Variants in BICC1 observed in about 807,000 individuals in gnomAD.
BICC1 encodes the protein protein bicaudal C homolog 1.
BICC1 carries 43 observed loss-of-function variants against 111.0 expected under a neutral mutation model. The ratio of observed to expected loss-of-function variants is 0.39; its 90% CI spans 0.30 to 0.50. The LOEUF (loss-of-function observed/expected upper bound fraction) is 0.50. Ranked by LOEUF, BICC1 falls within the 20% of genes least tolerant of loss-of-function variation. The pLI, the probability that BICC1 is intolerant of heterozygous loss-of-function variation, is 0.88. For synonymous variants in BICC1, 467 were observed against 434.4 expected, an observed-to-expected ratio of 1.07 and a Z score of -0.93; for missense variants, 1,091 against 1,203.2, an observed-to-expected ratio of 0.91 and a Z score of 1.38.
intron 3 of BICC1, among the ~76,000 whole-genome samples, chr10:58,748,806 A>G (rs1038922512): frequency 3.9e-5 from 6 of 152,242 alleles, no homozygotes; most frequent in African/African-American, 1.4e-4. Context: ...GTGGGGCCTG[A>G]GAAATTTCAT....
chr10:58,817,431 G>A, intron 18 of BICC1, 131 bp from the exon 19 acceptor site: 2 of 967,014 alleles, frequency 2.1e-6, no homozygotes, highest in South Asian at 1.4e-5. Context: ...AAGGATTGCT[G>A]TATTTCTACA....
intron 17 of BICC1, among the ~76,000 whole-genome samples, chr10:58,811,454 A>C (rs944589198): frequency 2.6e-5 from 4 of 152,258 alleles, no homozygotes; most frequent in Non-Finnish European, 4.4e-5. Context: ...CAAATAATAA[A>C]GATACTTTGA....
intron 1 of BICC1, among the ~76,000 whole-genome samples, chr10:58,561,634 C>T (rs1274776509): frequency 6.6e-6 from 1 of 151,924 alleles, no homozygotes; most frequent in Non-Finnish European, 1.5e-5. Flanking sequence ...TTGTTCTTTT[C>T]TTCCTCTCTT....
Position 58,637,113 on chromosome 10 carries a change from T to C in BICC1, c.237+16212T>C, listed in dbSNP as rs114992215. ...GGGGATACTACTTTCTTGATTCTTA[T>C]ATGGGGAAAAATTCCATTTGTTGGT... is the stretch of plus-strand genomic sequence containing the variant. On this transcript the variant is annotated intron_variant, in intron 2 of 20. Coordinates refer to ENST00000373886, the MANE Select transcript of BICC1 (RefSeq NM_001080512.3). 4.2e-3 allele frequency among the ~76,000 whole-genome samples: 638 copies of C among 152,308 alleles called. 4 individuals carry two copies. Among genetic ancestry groups the C allele is most frequent in the African/African-American group, 0.015 (605 of 41,578 alleles).
rs974943493 is a variant in BICC1 at position 58,588,797 on chromosome 10, A to G, written c.191-32058A>G. Among the ~76,000 whole-genome samples, 32 of 152,222 alleles carry G rather than the reference A, an allele frequency of 2.1e-4. 1 individual carries two copies. The highest frequency in any genetic ancestry group is 7.7e-4 in the African/African-American group (32 of 41,462). ...GAGTGCCAGGCCCCAGGCTAAGCAC[A>G]CTGCGTGAAGGAGCACATTTGATTT... is the stretch of plus-strand genomic sequence containing the variant. On this transcript the variant is annotated intron_variant, in intron 1 of 20. Coordinates refer to ENST00000373886, the MANE Select transcript of BICC1 (RefSeq NM_001080512.3).
chr10:58,703,164 C>T (rs1260526575), intron 3 of BICC1, among the ~76,000 whole-genome samples: 2 of 130,386 alleles, frequency 1.5e-5, no homozygotes, highest in South Asian at 2.4e-4. Context: ...TATCTTGCTA[C>T]TTTTTTTTTT....
intron 3 of BICC1, among the ~76,000 whole-genome samples, chr10:58,745,257 T>A (rs1399966487): frequency 6.6e-6 from 1 of 152,062 alleles, no homozygotes; most frequent in African/African-American, 2.4e-5. Flanking sequence ...ACTAACTGGG[T>A]TGAATGCTGG....
In BICC1 at chr10:58,829,190, G is replaced by T. The variant is rs143107828; in HGVS notation, c.*299G>T. The T allele has an allele frequency of 0.079, 5,822 of 73,556 alleles. 282 individuals are homozygous for T. Among genetic ancestry groups the T allele is most frequent in the Admixed American group, 0.23 (1,679 of 7,366 alleles). The allele number at this position is 73,556 out of a possible 1,614,324, so 4.6% of individuals were successfully genotyped here. On this transcript the variant is annotated 3_prime_UTR_variant, in exon 21 of 21. Coordinates refer to ENST00000373886, the MANE Select transcript of BICC1 (RefSeq NM_001080512.3). ...TTACCTATATAACATATGCACTGAT[G>T]ATTTTTTTTTTTTTTTTTTTTTTTT...
In BICC1 at chr10:58,595,992, A is replaced by C. The variant is rs567201720; in HGVS notation, c.191-24863A>C. ...CCAGACTAATAAGAAAGGAGAGAAG[A>C]CTCAATTAGACACAATAAAAAATGA... On this transcript the variant is annotated intron_variant, in intron 1 of 20. Coordinates refer to ENST00000373886, the MANE Select transcript of BICC1 (RefSeq NM_001080512.3). Among the ~76,000 whole-genome samples the C allele has an allele frequency of 2.6e-5, 4 of 152,256 alleles. No homozygotes were observed. The East Asian group carries it at 7.7e-4, about 29-fold the overall frequency.
intron 2 of BICC1, among the ~76,000 whole-genome samples, chr10:58,628,823 A>G (rs1256918396): frequency 6.6e-6 from 1 of 152,242 alleles, no homozygotes; most frequent in Non-Finnish European, 1.5e-5. Context: ...CTGAAGAGAA[A>G]AGGTTGGCTC....
intron 3 of BICC1, chr10:58,716,026 A>G: frequency 7.0e-7 from 1 of 1,421,718 alleles, no homozygotes; most frequent in Non-Finnish European, 9.7e-7. Context: ...GGATAGTTTA[A>G]AAAAGAAAAA....
intron 19 of BICC1, among the ~76,000 whole-genome samples, chr10:58,818,384 C>T (rs1007385331): frequency 2.0e-5 from 3 of 152,186 alleles, no homozygotes; most frequent in Non-Finnish European, 4.4e-5. Context: ...TACTGGGGCA[C>T]AGCTAACTCA....
chr10:58,793,944 A>G (rs1447703293), intron 9 of BICC1, among the ~76,000 whole-genome samples: 1 of 152,168 alleles, frequency 6.6e-6, no homozygotes, highest in Non-Finnish European at 1.5e-5. Flanking sequence ...TGTATAATAT[A>G]TATGTCATTA....
intron 19 of BICC1, among the ~76,000 whole-genome samples, chr10:58,818,028 T>C (rs1844148737): frequency 6.6e-6 from 1 of 152,158 alleles, no homozygotes; most frequent in Non-Finnish European, 1.5e-5. Flanking sequence ...ACAGCTCCCT[T>C]AAGGTCAGCA....
At chr10:58,597,339 G>A (rs1464921241) in intron 1 of BICC1, among the ~76,000 whole-genome samples, 1 of 152,054 alleles carries the variant, frequency 6.6e-6, no homozygotes, top group Non-Finnish European at 1.5e-5. Context: ...AAGGCAAAAA[G>A]CACAACTACT....
chr10:58,822,365 G>A (rs1844275441), intron 20 of BICC1, among the ~76,000 whole-genome samples: 2 of 152,144 alleles, frequency 1.3e-5, no homozygotes, highest in African/African-American at 4.8e-5. Flanking sequence ...TTCACAGGTT[G>A]TAGATAGATC....
intron 1 of BICC1, among the ~76,000 whole-genome samples, chr10:58,537,219 A>G (rs1188199427): frequency 6.6e-6 from 1 of 151,826 alleles, no homozygotes; most frequent in African/African-American, 2.4e-5. Context: ...CATTCGACCC[A>G]GTCAGTATCA....
At chr10:58,740,479 A>C (rs1841624102) in intron 3 of BICC1, among the ~76,000 whole-genome samples, 1 of 152,146 alleles carries the variant, frequency 6.6e-6, no homozygotes, top group Admixed American at 6.6e-5. Context: ...TGATTTATAA[A>C]GTTTATTTGA....
At chr10:58,679,962 G>A (rs561672966) in intron 2 of BICC1, among the ~76,000 whole-genome samples, 1 of 152,274 alleles carries the variant, frequency 6.6e-6, no homozygotes, top group African/African-American at 2.4e-5. Flanking sequence ...AATAGATGTA[G>A]AAAAGGCCTT....
Sources: allele counts gnomAD v4.1 joint callset (sites outside exome capture counted in the v4.1 genomes callset), GRCh38; gene constraint gnomAD v4.1.1; transcripts MANE v1.5; gene names NCBI Gene and HGNC (gene_info 2026-07-23, HGNC 2026-07-21).